The following SLC22A12 variants were observed in gnomAD, a reference collection of about 807,000 sequenced individuals.
SLC22A12 encodes the protein organic anion transporter 4-like protein.
A neutral mutation model predicts 52.7 loss-of-function variants in SLC22A12; 56 were observed. The ratio of observed to expected loss-of-function variants is 1.06; its 90% CI spans 0.86 to 1.33. SLC22A12 has a LOEUF of 1.33. Among genes scored for constraint, SLC22A12 ranks in the 40% most tolerant of loss-of-function variants. SLC22A12 has a pLI of 0.00. For missense variants in SLC22A12, 683 were observed against 741.5 expected, an observed-to-expected ratio of 0.92 and a Z score of 0.92; for synonymous variants, 337 against 324.6, an observed-to-expected ratio of 1.04 and a Z score of -0.41.
chr11:64,594,938 T>TTGGA (rs1554987385), intron 4 of SLC22A12, among the ~76,000 whole-genome samples: 1 of 32,508 alleles, frequency 3.1e-5, no homozygotes, highest in Non-Finnish European at 6.2e-5. Flanking sequence ...GAATGGATGG[T>TTGGA]TGGATGGATG....
intron 4 of SLC22A12, among the ~76,000 whole-genome samples, chr11:64,595,246 ATGGATGGAATGG>A (rs770322239): frequency 2.0e-4 from 18 of 89,570 alleles, no homozygotes; most frequent in African/African-American, 4.1e-4. Context: ...GGATGGATGG[ATGGATGGAATGG>A]ATGGATGGAT....
intron 6 of SLC22A12, 47 bp downstream of exon 6, chr11:64,598,970 C>T (rs767325229): frequency 1.1e-5 from 17 of 1,601,186 alleles, no homozygotes; most frequent in Admixed American, 5.1e-5. Flanking sequence ...AACCTGGAAT[C>T]GGGGCTCTCG....
intron 9 of SLC22A12, 83 bp downstream of exon 9, chr11:64,601,021 A>G: frequency 1.3e-6 from 2 of 1,543,576 alleles, no homozygotes; most frequent in Non-Finnish European, 1.8e-6. Context: ...CATCCCCATC[A>G]CTTGACAGAG....
rs1304246076 is a variant in SLC22A12 at position 64,591,845 on chromosome 11, C to T, written c.289C>T (p.Gln97Ter). ...CCGCCGCTTCCGCCAGCCACAGTGG[C>T]AGCTCTTGGACCCCAATGCCACGGC... ...QCRRFRQPQW[Q>*]LLDPNATATS... The change falls in exon 1 of 10, where the codon CAG becomes TAG. Residue 97 changes from glutamine (Q) to a stop codon, truncating the protein, a stop_gained. Transcript: ENST00000377574. LOFTEE classifies it high-confidence loss of function. 6.2e-7 allele frequency: 1 copy of T among 1,612,536 alleles called. No homozygotes were observed. The highest frequency in any genetic ancestry group is 8.5e-7 in the Non-Finnish European group (1 of 1,180,020).
chr11:64,596,256 A>T (rs2039223118), intron 4 of SLC22A12, among the ~76,000 whole-genome samples: 4 of 136,662 alleles, frequency 2.9e-5, no homozygotes, highest in Non-Finnish European at 4.8e-5. Flanking sequence ...GAATGGATGG[A>T]TGGATGGATG....
Position 64,600,958 on chromosome 11 carries a change from G to T in SLC22A12, c.1598+20G>T. The T allele has an allele frequency of 6.2e-7, 1 of 1,603,794 alleles. No individual in the cohort carries two copies. On this transcript the variant is annotated intron_variant, in intron 9 of 9. Coordinates refer to ENST00000377574, the MANE Select transcript of SLC22A12 (RefSeq NM_144585.4). ...GAACCAGTGAGTGGACCCAGCCTCG[G>T]GACCACCCCTCCCTCCCACCAGAGA...
chr11:64,593,297 C>T lies in SLC22A12; in HGVS notation c.507-108C>T, dbSNP rs2038980809. ...TTCACCCAGGTGCCGCTTCAGTGTC[C>T]GCCTCAGCTCAGCGGGCAAGCATAG... is the stretch of plus-strand genomic sequence containing the variant. On this transcript the variant is annotated intron_variant, in intron 2 of 9. Transcript: ENST00000377574. 2.1e-5 allele frequency: 33 copies of T among 1,549,232 alleles called. No individual in the cohort carries two copies. The South Asian group carries it at 2.8e-4, about 13-fold the overall frequency.
At position 64,599,852 on chromosome 11, in the gene SLC22A12, C is replaced by A; in HGVS notation, c.1247C>A (p.Ala416Glu). Residue 416 changes from alanine to glutamate, a missense_variant, in exon 7 of 10, where the codon GCA becomes GAA. Physicochemically the swap from Ala to Glu is moderately radical, Grantham distance 107 (BLOSUM62 -1). Coordinates refer to ENST00000377574, the MANE Select transcript of SLC22A12 (RefSeq NM_144585.4). Reference sequence around the variant, plus strand: ...ACGCTGGCCGCATCCCTGTTGCTGGCAGGGCTCTGCATTCTGGCCAACACG... The same window carrying A: ...ACGCTGGCCGCATCCCTGTTGCTGGAAGGGCTCTGCATTCTGGCCAACACG... ...RPTLAASLLL[A>E]GLCILANTLV... is the part of the protein sequence containing the mutation. The A allele has an allele frequency of 6.2e-7, 1 of 1,612,694 alleles. No homozygotes were observed. The highest frequency in any genetic ancestry group is 1.1e-5 in the South Asian group (1 of 91,052).
chr11:64,601,046 C>A, intron 9 of SLC22A12, 108 bp downstream of exon 9: 1 of 1,406,410 alleles, frequency 7.1e-7, no homozygotes, highest in Non-Finnish European at 9.8e-7. Context: ...AAGCAGAGGC[C>A]CAGACAGATA....
chr11:64,595,150 T>C (rs2039091775), intron 4 of SLC22A12, among the ~76,000 whole-genome samples: 2 of 123,398 alleles, frequency 1.6e-5, no homozygotes, highest in African/African-American at 6.2e-5. Flanking sequence ...AATGGATGGT[T>C]GAATGGATGG....
intron 6 of SLC22A12, 76 bp from the exon 7 acceptor site, chr11:64,599,600 G>GC: frequency 5.0e-5 from 7 of 141,254 alleles, no homozygotes; most frequent in South Asian, 2.0e-4. Context: ...AGCCCCCACC[G>GC]CCCATTGTTC....
chr11:64,594,409 C>A (rs532107456), intron 4 of SLC22A12, among the ~76,000 whole-genome samples: 1 of 152,188 alleles, frequency 6.6e-6, no homozygotes, highest in African/African-American at 2.4e-5. Flanking sequence ...TGGCCCTTGC[C>A]GAGCACCTGG....
chr11:64,598,112 G>T lies in SLC22A12; in HGVS notation c.831-404G>T, dbSNP rs563066126. 3.9e-5 allele frequency among the ~76,000 whole-genome samples: 6 copies of T among 152,192 alleles called. No individual in the cohort carries two copies. The East Asian group carries it at 9.7e-4, about 25-fold the overall frequency. On this transcript the variant is annotated intron_variant, in intron 4 of 9. Transcript: ENST00000377574. Reference sequence around the variant, plus strand: ...GTGGACCCCAGTCGCCTTGGAGATGGCCAAGGTCCTGGCAGTGGCCAGGAT... The same window carrying T: ...GTGGACCCCAGTCGCCTTGGAGATGTCCAAGGTCCTGGCAGTGGCCAGGAT...
intron 4 of SLC22A12, among the ~76,000 whole-genome samples, chr11:64,595,137 T>C (rs201374579): frequency 3.8e-5 from 1 of 26,334 alleles, no homozygotes; most frequent in African/African-American, 8.9e-5. Flanking sequence ...GGATGGATGG[T>C]TGAATGGATG....
At chr11:64,594,264 A>G (rs2039015100) in intron 4 of SLC22A12, among the ~76,000 whole-genome samples, 1 of 152,238 alleles carries the variant, frequency 6.6e-6, no homozygotes, top group Non-Finnish European at 1.5e-5. Flanking sequence ...GGCTGACAGA[A>G]TCAATGCTTG....
chr11:64,596,888 C>T (rs544179246), intron 4 of SLC22A12, among the ~76,000 whole-genome samples: 33 of 152,300 alleles, frequency 2.2e-4, no homozygotes, highest in Non-Finnish European at 4.0e-4. Context: ...CCTTGGTAGA[C>T]GTGCTCCCAC....
At position 64,591,503 on chromosome 11, in the gene SLC22A12, C is replaced by A; in HGVS notation, c.-54C>A. 4 of 1,602,364 alleles carry A rather than the reference C, an allele frequency of 2.5e-6. No homozygotes were observed. In the South Asian group the frequency reaches 4.4e-5, roughly 18 times the overall value. On this transcript the variant is annotated 5_prime_UTR_variant, in exon 1 of 10. It adds an upstream start codon to the 5' untranslated region. Coordinates refer to ENST00000377574, the MANE Select transcript of SLC22A12 (RefSeq NM_144585.4). ...GGCCCGTTGCCCTGGCCTCTTTGCC[C>A]TGGGCCAGCCTTTGTGAAGTGGGCC... is the stretch of plus-strand genomic sequence containing the variant.
intron 4 of SLC22A12, among the ~76,000 whole-genome samples, chr11:64,595,350 A>G (rs1394795567): frequency 1.7e-4 from 10 of 58,078 alleles, no homozygotes; most frequent in East Asian, 8.0e-4. Context: ...TGGATGGTTG[A>G]ATGGATGGAT....
intron 4 of SLC22A12, among the ~76,000 whole-genome samples, chr11:64,595,136 GTTGAATGGATGGTTGA>G (rs2039090562): frequency 1.8e-4 from 13 of 72,306 alleles, no homozygotes; most frequent in Non-Finnish European, 3.3e-4. Context: ...TGGATGGATG[GTTGAATGGATGGTTGA>G]ATGGATGGTT....
Sources: allele counts gnomAD v4.1 joint callset (sites outside exome capture counted in the v4.1 genomes callset), GRCh38; gene constraint gnomAD v4.1.1; transcripts MANE v1.5; gene names NCBI Gene and HGNC (gene_info 2026-07-23, HGNC 2026-07-21).